The following PSEN1 variants were observed in gnomAD, a reference collection of about 807,000 sequenced individuals.
PSEN1 encodes the protein presenilin-1.
Under a neutral mutation model 53.5 loss-of-function variants are expected in PSEN1, and 15 were observed. The observed-to-expected ratio is 0.28, with a 90% CI of 0.19 to 0.43. PSEN1 has a LOEUF of 0.43. PSEN1 is among the 20% of genes least tolerant of loss of function. The pLI is 1.00. For synonymous variants in PSEN1, 208 were observed against 209.8 expected, an observed-to-expected ratio of 0.99 and a Z score of 0.08; for missense variants, 387 against 571.2, an observed-to-expected ratio of 0.68 and a Z score of 3.29.
At chr14:73,153,537 G>A (rs942959638) in intron 3 of PSEN1, among the ~76,000 whole-genome samples, 3 of 152,020 alleles carry the variant, frequency 2.0e-5, no homozygotes, top group Non-Finnish European at 4.4e-5. Flanking sequence ...ATTAATAAAT[G>A]TTTTCAAGTT....
intron 7 of PSEN1, chr14:73,197,673 C>T (rs1484198239): frequency 1.2e-5 from 3 of 245,300 alleles, no homozygotes; most frequent in Non-Finnish European, 2.4e-5. Flanking sequence ...TGTTTCTGCT[C>T]ACTGTAGGTT....
At chr14:73,172,525 T>C (rs1278379996) in intron 4 of PSEN1, among the ~76,000 whole-genome samples, 1 of 152,228 alleles carries the variant, frequency 6.6e-6, no homozygotes, top group Non-Finnish European at 1.5e-5. Context: ...ATTCACAAAT[T>C]TGTGAATAAA....
At chr14:73,207,696 T>G (rs554092907) in intron 9 of PSEN1, among the ~76,000 whole-genome samples, 61 of 152,342 alleles carry the variant, frequency 4.0e-4, no homozygotes, top group African/African-American at 1.4e-3. Context: ...CACCTTTTCC[T>G]GAGATTTGCT....
At chr14:73,189,117 T>G (rs537458003) in intron 6 of PSEN1, among the ~76,000 whole-genome samples, 41 of 152,230 alleles carry the variant, frequency 2.7e-4, no homozygotes, top group African/African-American at 9.6e-4. Context: ...TTATCACCAA[T>G]TATCTAGCAT....
intron 3 of PSEN1, among the ~76,000 whole-genome samples, chr14:73,152,183 A>C (rs948100625): frequency 7.2e-6 from 1 of 138,454 alleles, no homozygotes; most frequent in Non-Finnish European, 1.5e-5. Context: ...AAGTTTTTTT[A>C]TATTTTTTAA....
intron 5 of PSEN1, 137 bp from the exon 6 acceptor site, chr14:73,186,716 G>T (rs1898527356): frequency 1.3e-6 from 1 of 760,522 alleles, no homozygotes; most frequent in Non-Finnish European, 2.3e-6. Context: ...GGCAGAGGTT[G>T]TGGTGAGCTG....
intron 8 of PSEN1, 139 bp from the exon 9 acceptor site, chr14:73,206,247 A>G: frequency 1.4e-6 from 1 of 691,084 alleles, no homozygotes; most frequent in African/African-American, 1.8e-5. Flanking sequence ...CCTTTTTTTT[A>G]TTTTTACTTC....
chr14:73,206,902 T>A (rs1899478861), intron 9 of PSEN1, among the ~76,000 whole-genome samples: 1 of 151,620 alleles, frequency 6.6e-6, no homozygotes. Context: ...ATAAACAACA[T>A]AAAAATGAGA....
At chr14:73,201,075 T>TTTG (rs1899162717) in intron 8 of PSEN1, among the ~76,000 whole-genome samples, 3 of 150,838 alleles carry the variant, frequency 2.0e-5, no homozygotes, top group African/African-American at 7.4e-5. Flanking sequence ...GAGAATATCT[T>TTTG]TTTGTTTGTT....
At chr14:73,155,606 T>C (rs1221959387) in intron 3 of PSEN1, among the ~76,000 whole-genome samples, 1 of 151,850 alleles carries the variant, frequency 6.6e-6, no homozygotes, top group Non-Finnish European at 1.5e-5. Flanking sequence ...TGGGCTCAAG[T>C]GATTCTCCCA....
At chr14:73,165,798 C>T (rs908071718) in intron 3 of PSEN1, among the ~76,000 whole-genome samples, 3 of 151,060 alleles carry the variant, frequency 2.0e-5, no homozygotes, top group Non-Finnish European at 2.9e-5. Flanking sequence ...TGGCTCACGC[C>T]TGTAATCCCA....
chr14:73,201,366 G>A (rs1183914665), intron 8 of PSEN1, among the ~76,000 whole-genome samples: 12 of 152,282 alleles, frequency 7.9e-5, no homozygotes, highest in Non-Finnish European at 1.6e-4. Flanking sequence ...GATTACAGGC[G>A]TGAGCCACCG....
chr14:73,158,504 G>T (rs1398766413), intron 3 of PSEN1, among the ~76,000 whole-genome samples: 1 of 152,020 alleles, frequency 6.6e-6, no homozygotes, highest in Admixed American at 6.6e-5. Flanking sequence ...TTTTGTATTT[G>T]TAGTAGAGGC....
chr14:73,169,398 C>A (rs1211284634), intron 3 of PSEN1: 1 of 152,250 alleles, frequency 6.6e-6, no homozygotes, highest in Non-Finnish European at 1.5e-5. Flanking sequence ...GAGATTTCAT[C>A]CATTTCTGAG....
chr14:73,170,418 A>C (rs1383554629), intron 3 of PSEN1, among the ~76,000 whole-genome samples: 1 of 152,236 alleles, frequency 6.6e-6, no homozygotes, highest in Non-Finnish European at 1.5e-5. Flanking sequence ...AAGGTAAGAT[A>C]GTTCCTTGCA....
At chr14:73,193,499 G>A (rs1418403997) in intron 7 of PSEN1, among the ~76,000 whole-genome samples, 3 of 144,288 alleles carry the variant, frequency 2.1e-5, no homozygotes. Flanking sequence ...GCAGTGAGCC[G>A]AGATGGTGCC....
At chr14:73,144,477 A>G (rs1594959811) in intron 1 of PSEN1, among the ~76,000 whole-genome samples, 1 of 152,238 alleles carries the variant, frequency 6.6e-6, no homozygotes, top group African/African-American at 2.4e-5. Flanking sequence ...TAATAGATTT[A>G]CTAGTAATCA....
rs1228132209 is a variant in PSEN1 at position 73,184,132 on chromosome 14, G to C, written c.481-2721G>C. 2.5e-5 allele frequency among the ~76,000 whole-genome samples: 3 copies of C among 120,036 alleles called. 1 individual carries two copies. Among genetic ancestry groups the C allele is most frequent in the Admixed American group, 2.3e-4 (3 of 13,278 alleles). 78.7% of individuals were successfully genotyped at this position (120,036 alleles called of 152,430 possible). ...CCCCCCCCCACCTCCCTCCCGGACA[G>C]GGCGGCTGGCCGGCCGGGGGGCTGA... On this transcript the variant is annotated intron_variant, in intron 5 of 11. Coordinates refer to ENST00000324501, the MANE Select transcript of PSEN1 (RefSeq NM_000021.4).
intron 5 of PSEN1, among the ~76,000 whole-genome samples, chr14:73,177,992 C>T (rs1162106319): frequency 6.6e-6 from 1 of 151,910 alleles, no homozygotes; most frequent in East Asian, 1.9e-4. Context: ...CAGAGTGGCG[C>T]ACTGCAACCT....
Sources: allele counts gnomAD v4.1 joint callset (sites outside exome capture counted in the v4.1 genomes callset), GRCh38; gene constraint gnomAD v4.1.1; transcripts MANE v1.5; gene names NCBI Gene and HGNC (gene_info 2026-07-23, HGNC 2026-07-21).